The following RNF19A variants were observed in gnomAD, a reference collection of about 807,000 sequenced individuals.
The protein encoded by RNF19A is E3 ubiquitin-protein ligase RNF19A.
Under a neutral mutation model 75.7 loss-of-function variants are expected in RNF19A, and 32 were observed. That is an observed-to-expected ratio of 0.42 (90% CI 0.32 to 0.57). The LOEUF (loss-of-function observed/expected upper bound fraction) is 0.57, where lower values mean the gene tolerates loss of function less well. RNF19A is among the 20% of genes least tolerant of loss of function. RNF19A has a pLI of 0.10. For missense variants in RNF19A, 782 were observed against 1,036.3 expected (o/e 0.75, Z 3.37); for synonymous variants, 335 against 345.2 (o/e 0.97, Z 0.33).
chr8:100,286,121 G>A (rs1049035296), intron 2 of RNF19A, among the ~76,000 whole-genome samples: 9 of 152,158 alleles, frequency 5.9e-5, no homozygotes, highest in Non-Finnish European at 8.8e-5. Context: ...GATCAAGGGC[G>A]ATTCAATCGC....
chr8:100,310,306 G>C, upstream of RNF19A: 1 of 948,252 alleles, frequency 1.1e-6, no homozygotes, highest in Non-Finnish European at 1.3e-6. Flanking sequence ...GCTGCACCCG[G>C]GTGGCCCCGA....
At chr8:100,304,417 C>T in intron 1 of RNF19A, among the ~76,000 whole-genome samples, 1 of 152,218 alleles carries the variant, frequency 6.6e-6, no homozygotes, top group Non-Finnish European at 1.5e-5. Flanking sequence ...ACATCATATA[C>T]CCTAAGATAA....
chr8:100,316,336 G>C (rs909882209), intron 1 of RNF19A, among the ~76,000 whole-genome samples: 2 of 152,158 alleles, frequency 1.3e-5, no homozygotes, highest in East Asian at 1.9e-4. Context: ...AGCTTCCACA[G>C]TGTGGAAGGG....
intron 1 of RNF19A, among the ~76,000 whole-genome samples, chr8:100,318,259 T>C (rs1354027225): frequency 6.6e-6 from 1 of 152,228 alleles, no homozygotes; most frequent in African/African-American, 2.4e-5. Flanking sequence ...AGTATTTCCC[T>C]TGGCTGTGAG....
rs890373763 is a variant in RNF19A, at chr8:100,259,568, C to A, written c.1826+286G>T. Among the ~76,000 whole-genome samples, 11 of 152,150 alleles carry A rather than the reference C, an allele frequency of 7.2e-5. No individual in the cohort carries two copies. The highest frequency in any genetic ancestry group is 2.4e-4 in the African/African-American group (10 of 41,422). ...CAGTGATTTTTAGTTGTGATCAGAG[C>A]TGTGCAACCATCACCACTACCTAAC... On this transcript the variant is annotated intron_variant, in intron 9 of 9. Transcript: ENST00000341084. The surrounding 1 kb of genome is among the most constrained non-coding windows in gnomAD (Gnocchi z 4.5).
chr8:100,311,080 C>T (rs566499077), upstream of RNF19A, among the ~76,000 whole-genome samples: 2 of 152,332 alleles, frequency 1.3e-5, no homozygotes, highest in Admixed American at 1.3e-4. Flanking sequence ...AAATATATCA[C>T]TCTCCCAGTC....
intron 1 of RNF19A, chr8:100,309,201 G>A: frequency 1.9e-6 from 1 of 525,410 alleles, no homozygotes; most frequent in Non-Finnish European, 2.4e-6. Flanking sequence ...AATCCCGGAA[G>A]ACCCCCGTTA....
At chr8:100,309,436 C>T in intron 1 of RNF19A, 2 of 985,542 alleles carry the variant, frequency 2.0e-6, no homozygotes, top group South Asian at 4.7e-5. Flanking sequence ...TGCGTTCCGC[C>T]CCCGCCGCCT....
chr8:100,296,055 G>A lies in RNF19A; in HGVS notation c.-93-7788C>T, dbSNP rs894231509. ...ATTCCCCAACATAACTACCAAATTC[G>A]GATACCAAGCAGCAATGCATTCTCT... On this transcript the variant is annotated intron_variant, in intron 1 of 9. Coordinates refer to ENST00000341084, the MANE Select transcript of RNF19A (RefSeq NM_183419.4). Among the ~76,000 whole-genome samples, 13 of 152,074 alleles carry A rather than the reference G, an allele frequency of 8.5e-5. 1 individual carries two copies. In the South Asian group the frequency reaches 1.5e-3, roughly 17 times the overall value.
chr8:100,328,356 A>G (rs1453654175), intron 1 of RNF19A, among the ~76,000 whole-genome samples: 2 of 152,182 alleles, frequency 1.3e-5, no homozygotes, highest in Non-Finnish European at 2.9e-5. Flanking sequence ...AATCCAAGAG[A>G]CAAAGTGAAC....
intron 1 of RNF19A, among the ~76,000 whole-genome samples, chr8:100,326,151 C>T (rs1822530582): frequency 6.6e-6 from 1 of 152,148 alleles, no homozygotes; most frequent in African/African-American, 2.4e-5. Flanking sequence ...GCTTTCATCA[C>T]CCTCACATGC....
rs1284363518 is a variant in RNF19A, at chr8:100,323,091, T to C, written c.-242-9719A>G. ...TGCAGGGTTGCCACAAACCTTCCAT[T>C]TGTAAACAAAAACAAAAAAACAAAA... On this transcript the variant is annotated intron_variant, in intron 1 of 3. Transcript: ENST00000519527. This position sits in a 1 kb window ranked among gnomAD's most constrained non-coding sequence, Gnocchi z 4.6. 6.6e-6 allele frequency among the ~76,000 whole-genome samples: 1 copy of C among 152,014 alleles called. No individual in the cohort carries two copies. Among genetic ancestry groups the C allele is most frequent in the Non-Finnish European group, 1.5e-5 (1 of 68,012 alleles).
chr8:100,291,459 G>T (rs555565811), intron 1 of RNF19A, among the ~76,000 whole-genome samples: 3 of 152,170 alleles, frequency 2.0e-5, no homozygotes, highest in Non-Finnish European at 2.9e-5. Context: ...ACCTTCAGAA[G>T]TGCTTCAGGA....
rs992763017 is a variant in RNF19A, at chr8:100,332,075, G to A, written c.-243+4033C>T. ...AAACATATTTGTAAGAATTATCTGG[G>A]TTATATATTATTTTACACATATTGT... On this transcript the variant is annotated intron_variant, in intron 1 of 3. Transcript: ENST00000519527. This position sits in a 1 kb window ranked among gnomAD's most constrained non-coding sequence, Gnocchi z 4.8. Among the ~76,000 whole-genome samples, 10 of 152,044 alleles carry A rather than the reference G, an allele frequency of 6.6e-5. No homozygotes were observed. The highest frequency in any genetic ancestry group is 2.4e-4 in the African/African-American group (10 of 41,390).
chr8:100,287,007 C>T lies in RNF19A; in HGVS notation c.674+494G>A, dbSNP rs1821052865. On this transcript the variant is annotated intron_variant, in intron 2 of 9. Coordinates refer to ENST00000341084, the MANE Select transcript of RNF19A (RefSeq NM_183419.4). This position sits in a 1 kb window ranked among gnomAD's most constrained non-coding sequence, Gnocchi z 4.1. Reference sequence around the variant, plus strand: ...CCCTAGAACTTGAGACTAGCAAATGCTTATGTATATCAACATGAACACATC... The same window carrying T: ...CCCTAGAACTTGAGACTAGCAAATGTTTATGTATATCAACATGAACACATC... Among the ~76,000 whole-genome samples, 4 of 152,078 alleles carry T rather than the reference C, an allele frequency of 2.6e-5. No homozygotes were observed. The South Asian group carries it at 6.2e-4, about 24-fold the overall frequency.
At chr8:100,267,006 G>A (rs931929493) in intron 5 of RNF19A, among the ~76,000 whole-genome samples, 4 of 152,060 alleles carry the variant, frequency 2.6e-5, no homozygotes, top group East Asian at 1.9e-4. Context: ...ATTCCCAGTC[G>A]GGTCCCAGAA....
Position 100,268,829 on chromosome 8 carries a change from T to C in RNF19A, c.1147A>G (p.Ile383Val), listed in dbSNP as rs142802037. The C allele has an allele frequency of 2.3e-4, 374 of 1,596,782 alleles. No individual in the cohort carries two copies. The highest frequency in any genetic ancestry group is 3.1e-4 in the Non-Finnish European group (358 of 1,169,954). Residue 383 changes from isoleucine to valine, a missense_variant, in exon 5 of 10, where the codon ATT becomes GTT. Ile to Val is a conservative substitution (Grantham distance 29). Coordinates refer to ENST00000341084, the MANE Select transcript of RNF19A (RefSeq NM_183419.4). ...VGIALIAGIA[I>V]PAMIIGIPVY... ...GGAATGCCAATAATCATTGCAGGAA[T>C]AGCAATGCCAGCTATTAAAGCGATT...
chr8:100,309,075 G>GA (rs1321441973), intron 1 of RNF19A, among the ~76,000 whole-genome samples: 1 of 151,936 alleles, frequency 6.6e-6, no homozygotes, highest in East Asian at 1.9e-4. Context: ...ATGGAAATGG[G>GA]AAAAAAAGAG....
At chr8:100,306,431 T>G (rs1822064560) in intron 1 of RNF19A, among the ~76,000 whole-genome samples, 1 of 152,128 alleles carries the variant, frequency 6.6e-6, no homozygotes, top group African/African-American at 2.4e-5. Flanking sequence ...AAATACTAGA[T>G]AACATCAATA....
Sources: gnomAD v4.1 joint callset for allele counts (sites outside exome capture counted in the v4.1 genomes callset) on GRCh38, gnomAD v4.1.1 for gene constraint, Gnocchi (gnomAD v3.1) non-coding constraint, MANE v1.5 for transcripts, NCBI Gene and HGNC (gene_info 2026-07-23, HGNC 2026-07-21) for gene names.